The following SLC9A1 variants were observed in gnomAD, a reference collection of about 807,000 sequenced individuals.
SLC9A1 encodes sodium/hydrogen exchanger 1.
SLC9A1 carries 22 observed loss-of-function variants against 67.9 expected under a neutral mutation model. The observed-to-expected ratio is 0.32, with a 90% CI of 0.23 to 0.46. The LOEUF (loss-of-function observed/expected upper bound fraction) is 0.46, where lower values mean the gene tolerates loss of function less well. Ranked by LOEUF, SLC9A1 falls within the 20% of genes least tolerant of loss-of-function variation. SLC9A1 has a pLI of 1.00. For missense variants in SLC9A1, 686 were observed against 1,094.8 expected (o/e 0.63, Z 5.27); for synonymous variants, 421 against 471.8 (o/e 0.89, Z 1.40).
chr1:27,121,717 C>T (rs2083305807), intron 1 of SLC9A1, among the ~76,000 whole-genome samples: 1 of 152,198 alleles, frequency 6.6e-6, no homozygotes, highest in African/African-American at 2.4e-5. Context: ...CTCCTCTCAC[C>T]TGTCCCATCT....
At chr1:27,125,490 C>T (rs1026781764) in intron 1 of SLC9A1, among the ~76,000 whole-genome samples, 3 of 152,056 alleles carry the variant, frequency 2.0e-5, no homozygotes, top group South Asian at 2.1e-4. Flanking sequence ...AAGTGATCTG[C>T]CCACCGTGGC....
rs997313513 is a variant in SLC9A1 at position 27,137,862 on chromosome 1, C to T, written c.352+16121G>A. The stretch of plus-strand genomic sequence containing the variant: ...CCTCCCCAATGTGCCCCTGACTCCA[C>T]GCCCACTCTGCTCCAGCGTCCTGCT... On this transcript the variant is annotated intron_variant, in intron 1 of 11. Transcript: ENST00000263980. This position sits in a 1 kb window ranked among gnomAD's most constrained non-coding sequence, Gnocchi z 4.6. Among the ~76,000 whole-genome samples, 12 of 152,338 alleles carry T rather than the reference C, an allele frequency of 7.9e-5. No individual in the cohort carries two copies. Among genetic ancestry groups the T allele is most frequent in the Admixed American group, 3.3e-4 (5 of 15,310 alleles).
intron 1 of SLC9A1, among the ~76,000 whole-genome samples, chr1:27,117,318 C>G (rs977712851): frequency 1.3e-5 from 2 of 152,242 alleles, no homozygotes; most frequent in African/African-American, 2.4e-5. Flanking sequence ...TGCTGACCCC[C>G]CTCCACAGCC....
chr1:27,109,839 G>C lies in SLC9A1; in HGVS notation c.814-62C>G. 1 of 1,589,770 alleles carries C rather than the reference G, an allele frequency of 6.3e-7. No homozygotes were observed. Among genetic ancestry groups the C allele is most frequent in the South Asian group, 1.1e-5 (1 of 89,042 alleles). ...GGGCCCTGGCCCCACGGTTCCCTGG[G>C]GTCCACCCAGGGCAATCCTGTCCCC... On this transcript the variant is annotated intron_variant, in intron 2 of 11. Coordinates refer to ENST00000263980, the MANE Select transcript of SLC9A1 (RefSeq NM_003047.5). The surrounding 1 kb of genome is among the most constrained non-coding windows in gnomAD (Gnocchi z 5.5).
At chr1:27,104,042 C>CA (rs2083166784) in intron 5 of SLC9A1, 1 of 149,274 alleles carries the variant, frequency 6.7e-6, no homozygotes. Flanking sequence ...AAGATGGAAG[C>CA]AGGGCAAGAG....
At chr1:27,122,872 G>A (rs2083314529) in intron 1 of SLC9A1, among the ~76,000 whole-genome samples, 1 of 152,198 alleles carries the variant, frequency 6.6e-6, no homozygotes, top group African/African-American at 2.4e-5. Flanking sequence ...GAGGGACAGG[G>A]ACTGGGACCG....
chr1:27,107,018 G>C (rs1349964675), intron 4 of SLC9A1, among the ~76,000 whole-genome samples: 2 of 151,124 alleles, frequency 1.3e-5, no homozygotes, highest in Admixed American at 6.6e-5. Flanking sequence ...AGTCCCTCCT[G>C]TCTAGCTGTG....
intron 1 of SLC9A1, among the ~76,000 whole-genome samples, chr1:27,147,730 T>A (rs2083497945): frequency 6.6e-6 from 1 of 152,186 alleles, no homozygotes; most frequent in Non-Finnish European, 1.5e-5. Flanking sequence ...GAGCAGTGGC[T>A]TACGCCTGTA....
rs1235991510 is a variant in SLC9A1, at chr1:27,107,872, C to T, written c.1065-7G>A. ...CACTCCTGAGGCTATGAGCCTGGAG[C>T]AGGAAAGAGCGGGGTCAGGGCTCCG... On this transcript the variant is annotated splice_polypyrimidine_tract_variant and splice_region_variant and intron_variant, in intron 3 of 11. Transcript: ENST00000263980. 6.3e-7 allele frequency: 1 copy of T among 1,584,572 alleles called. No homozygotes were observed. The highest frequency in any genetic ancestry group is 1.3e-5 in the African/African-American group (1 of 74,666).
At position 27,099,040 on chromosome 1, in the gene SLC9A1, T is replaced by TG. The variant is rs971958559; in HGVS notation, c.*1266dup. 1.3e-5 allele frequency: 2 copies of TG among 152,616 alleles called. No homozygotes were observed. Among genetic ancestry groups the TG allele is most frequent in the African/African-American group, 4.8e-5 (2 of 41,444 alleles). The allele number at this position is 152,616 out of a possible 1,614,324, so 9.5% of individuals were successfully genotyped here. A position where few individuals can be genotyped will look rare whatever the true frequency, so the allele number is the denominator to read the frequency against. On this transcript the variant is annotated 3_prime_UTR_variant, in exon 12 of 12. Coordinates refer to ENST00000263980, the MANE Select transcript of SLC9A1 (RefSeq NM_003047.5). ...GGACACTCTGACTATTGCACAATCC[T>TG]GGGGGAGTGCCCCAGGGACAAGGGG...
intron 1 of SLC9A1, among the ~76,000 whole-genome samples, chr1:27,131,562 A>G (rs2083384456): frequency 6.6e-6 from 1 of 151,780 alleles, no homozygotes; most frequent in Admixed American, 6.6e-5. Context: ...ATCCTGGTCA[A>G]CATGGTGAAG....
Position 27,114,295 on chromosome 1 carries a change from G to A in SLC9A1, c.353-9C>T, listed in dbSNP as rs1305115047. 5 of 1,600,750 alleles carry A rather than the reference G, an allele frequency of 3.1e-6. No homozygotes were observed. Among genetic ancestry groups the A allele is most frequent in the Non-Finnish European group, 3.4e-6 (4 of 1,169,922 alleles). On this transcript the variant is annotated splice_polypyrimidine_tract_variant and intron_variant, in intron 1 of 11. Transcript: ENST00000263980. The surrounding 1 kb of genome is among the most constrained non-coding windows in gnomAD (Gnocchi z 5.4). ...GGGGATCACATGGAAACCTGCGGAG[G>A]GCGAGAGAACGGGAGGCCATGGGCT...
intron 1 of SLC9A1, among the ~76,000 whole-genome samples, chr1:27,138,435 G>A (rs1418214230): frequency 6.6e-6 from 1 of 151,244 alleles, no homozygotes; most frequent in African/African-American, 2.5e-5. Flanking sequence ...AATGCTCCAT[G>A]CTGGCATGGG....
intron 1 of SLC9A1, among the ~76,000 whole-genome samples, chr1:27,142,752 T>A (rs1008514869): frequency 6.6e-6 from 1 of 152,238 alleles, no homozygotes; most frequent in East Asian, 1.9e-4. Flanking sequence ...AGGCGGAGCA[T>A]GTTGCATCTG....
At chr1:27,147,771 G>T (rs1157191592) in intron 1 of SLC9A1, among the ~76,000 whole-genome samples, 1 of 152,200 alleles carries the variant, frequency 6.6e-6, no homozygotes, top group East Asian at 1.9e-4. Flanking sequence ...AAGGTGGGAG[G>T]ATCAGCTAAG....
chr1:27,108,663 C>T (rs1013702419), intron 3 of SLC9A1, among the ~76,000 whole-genome samples: 4 of 151,900 alleles, frequency 2.6e-5, no homozygotes, highest in African/African-American at 9.7e-5. Flanking sequence ...GAGTGGGACC[C>T]CGTCTCAAAT....
chr1:27,154,301 G>C lies in SLC9A1; in HGVS notation c.34C>G (p.Pro12Ala), dbSNP rs761352342. Residue 12 changes from proline (P) to alanine (A), a missense_variant, in exon 1 of 12, where the codon CCA becomes GCA. Pro to Ala is a conservative substitution (Grantham distance 27). Coordinates refer to ENST00000263980, the MANE Select transcript of SLC9A1 (RefSeq NM_003047.5). ...AGTAAGGAAGGGAAGATCCGATGTG[G>C]AGAGAGGCCACAGATGCCAGACCGC... ...VLRSGICGLSPHRIFPSLLVV... is the reference protein window; with the variant it reads ...VLRSGICGLSAHRIFPSLLVV... 1 of 1,606,070 alleles carries C rather than the reference G, an allele frequency of 6.2e-7. No individual in the cohort carries two copies. Among genetic ancestry groups the C allele is most frequent in the East Asian group, 2.2e-5 (1 of 44,724 alleles).
At chr1:27,133,458 A>T (rs1342406303) in intron 1 of SLC9A1, among the ~76,000 whole-genome samples, 4 of 152,126 alleles carry the variant, frequency 2.6e-5, no homozygotes, top group African/African-American at 9.7e-5. Flanking sequence ...GGAGACCCAA[A>T]CACTGAGCTA....
intron 1 of SLC9A1, among the ~76,000 whole-genome samples, chr1:27,130,772 A>G (rs1244365416): frequency 1.3e-5 from 2 of 152,312 alleles, no homozygotes; most frequent in East Asian, 3.9e-4. Context: ...CCAGGAAACA[A>G]CCAAACTGGT....
Sources: allele counts gnomAD v4.1 joint callset (sites outside exome capture counted in the v4.1 genomes callset), GRCh38; gene constraint gnomAD v4.1.1; non-coding constraint Gnocchi (gnomAD v3.1); transcripts MANE v1.5; gene names NCBI Gene and HGNC (gene_info 2026-07-23, HGNC 2026-07-21).